Variants in TCF7L1 observed in about 807,000 individuals in gnomAD.
TCF7L1 encodes the protein transcription factor 7 like 1.
TCF7L1 carries 18 observed loss-of-function variants against 63.7 expected under a neutral mutation model. The ratio of observed to expected loss-of-function variants is 0.28; its 90% CI spans 0.20 to 0.42. The LOEUF (loss-of-function observed/expected upper bound fraction) is 0.42, where lower values mean the gene tolerates loss of function less well. Among genes scored for constraint, TCF7L1 ranks in the 10% least tolerant of loss-of-function variants. The pLI, the probability that TCF7L1 is intolerant of heterozygous loss-of-function variation, is 1.00. For synonymous variants in TCF7L1, 355 were observed against 340.9 expected, an observed-to-expected ratio of 1.04 and a Z score of -0.46; for missense variants, 654 against 779.3, an observed-to-expected ratio of 0.84 and a Z score of 1.91.
chr2:85,193,616 A>C (rs1029970666), intron 3 of TCF7L1, among the ~76,000 whole-genome samples: 3 of 152,232 alleles, frequency 2.0e-5, no homozygotes, highest in South Asian at 2.1e-4. Flanking sequence ...GTATTCTACC[A>C]GCGGTAGTTT....
At chr2:85,303,844 G>A (rs376780418) in intron 5 of TCF7L1, 51 bp from the exon 6 acceptor site, 4 of 1,400,798 alleles carry the variant, frequency 2.9e-6, no homozygotes, top group Non-Finnish European at 3.0e-6. Context: ...GTTCGTTAAG[G>A]TGCTCTGGCA....
chr2:85,165,849 T>A (rs1678404211), intron 3 of TCF7L1, among the ~76,000 whole-genome samples: 1 of 152,156 alleles, frequency 6.6e-6, no homozygotes, highest in African/African-American at 2.4e-5. Context: ...TAGCTGAAGT[T>A]CAATATCAAA....
At chr2:85,212,434 G>A (rs1679586316) in intron 3 of TCF7L1, among the ~76,000 whole-genome samples, 1 of 152,194 alleles carries the variant, frequency 6.6e-6, no homozygotes, top group Admixed American at 6.5e-5. Context: ...TATTATTGTG[G>A]CTGCTGTTAT....
At chr2:85,246,709 G>A (rs1680473116) in intron 3 of TCF7L1, among the ~76,000 whole-genome samples, 1 of 152,146 alleles carries the variant, frequency 6.6e-6, no homozygotes, top group Non-Finnish European at 1.5e-5. Flanking sequence ...TAACAGATGA[G>A]CCAAGTGCTC....
chr2:85,191,385 G>A (rs1166433869), intron 3 of TCF7L1, among the ~76,000 whole-genome samples: 1 of 152,212 alleles, frequency 6.6e-6, no homozygotes, highest in South Asian at 2.1e-4. Context: ...CACAGACCCT[G>A]ATCTGGTGCC....
intron 3 of TCF7L1, among the ~76,000 whole-genome samples, chr2:85,178,449 T>A (rs1305307393): frequency 6.6e-6 from 1 of 152,038 alleles, no homozygotes; most frequent in Non-Finnish European, 1.5e-5. Context: ...TTTACTGAAC[T>A]CCTCCTGTGC....
At chr2:85,301,602 C>T (rs975003448) in intron 4 of TCF7L1, among the ~76,000 whole-genome samples, 3 of 152,168 alleles carry the variant, frequency 2.0e-5, no homozygotes, top group Admixed American at 2.0e-4. Flanking sequence ...AATAATGGTG[C>T]TCCTTCCATT....
At chr2:85,256,604 C>T (rs546623119) in intron 3 of TCF7L1, among the ~76,000 whole-genome samples, 1 of 152,280 alleles carries the variant, frequency 6.6e-6, no homozygotes, top group African/African-American at 2.4e-5. Flanking sequence ...TGTTTTAATG[C>T]TTTACAAGGA....
At chr2:85,214,238 A>G (rs547384865) in intron 3 of TCF7L1, among the ~76,000 whole-genome samples, 18 of 152,198 alleles carry the variant, frequency 1.2e-4, no homozygotes, top group Non-Finnish European at 2.2e-4. Context: ...CAAGAGGGGT[A>G]AACACAGCTT....
chr2:85,189,511 G>A (rs1459771668), intron 3 of TCF7L1, among the ~76,000 whole-genome samples: 1 of 152,246 alleles, frequency 6.6e-6, no homozygotes, highest in Non-Finnish European at 1.5e-5. Flanking sequence ...AGCCCTCTAA[G>A]GCTTCTCCAT....
At chr2:85,258,719 A>G (rs2104343535) in intron 3 of TCF7L1, among the ~76,000 whole-genome samples, 1 of 152,134 alleles carries the variant, frequency 6.6e-6, no homozygotes, top group East Asian at 1.9e-4. Context: ...GCTTGCATCT[A>G]TGTTCTTGTC....
chr2:85,172,162 C>T (rs1388112905), intron 3 of TCF7L1, among the ~76,000 whole-genome samples: 1 of 152,138 alleles, frequency 6.6e-6, no homozygotes, highest in Non-Finnish European at 1.5e-5. Flanking sequence ...ACCTCACATC[C>T]CACTCAGCCA....
chr2:85,203,038 T>C (rs1394249147), intron 3 of TCF7L1, among the ~76,000 whole-genome samples: 3 of 152,134 alleles, frequency 2.0e-5, no homozygotes, highest in Non-Finnish European at 1.5e-5. Context: ...GGTTTCACCA[T>C]GTTAGCCAGG....
At position 85,133,620 on chromosome 2, in the gene TCF7L1, C is replaced by T. The variant is rs897197798; in HGVS notation, c.-65C>T. The stretch of plus-strand genomic sequence containing the variant: ...CAAGCGGGCGGGAGGGGCGCCGGGC[C>T]GGGCCGGGCAGGGCGCGGGCGGCTA... On this transcript the variant is annotated 5_prime_UTR_variant, in exon 1 of 12. Coordinates refer to ENST00000282111, the MANE Select transcript of TCF7L1 (RefSeq NM_031283.3). The surrounding 1 kb of genome is among the most constrained non-coding windows in gnomAD (Gnocchi z 4.4). 2.2e-5 allele frequency: 14 copies of T among 640,420 alleles called. No individual in the cohort carries two copies. The highest frequency in any genetic ancestry group is 1.4e-4 in the East Asian group (1 of 7,170). The allele number at this position is 640,420 out of a possible 1,614,324, so 39.7% of individuals were successfully genotyped here.
chr2:85,306,610 G>A lies in TCF7L1; in HGVS notation c.1257+51G>A. 1 of 1,443,004 alleles carries A rather than the reference G, an allele frequency of 6.9e-7. No individual in the cohort carries two copies. The allele number at this position is 1,443,004 out of a possible 1,614,324, so 89.4% of individuals were successfully genotyped here. A position where few individuals can be genotyped will look rare whatever the true frequency, so the allele number is the denominator to read the frequency against. ...CGCTCAGACCCCAGGAACAGCCTCT[G>A]CAAGAGGAGGAAGGGTGAAGGAAAG... is the stretch of plus-strand genomic sequence containing the variant. On this transcript the variant is annotated intron_variant, in intron 10 of 11. Transcript: ENST00000282111. The surrounding 1 kb of genome is among the most constrained non-coding windows in gnomAD (Gnocchi z 4.3).
At chr2:85,210,157 C>T (rs758034287) in intron 3 of TCF7L1, among the ~76,000 whole-genome samples, 3 of 152,212 alleles carry the variant, frequency 2.0e-5, no homozygotes, top group Non-Finnish European at 4.4e-5. Flanking sequence ...CACTCCCAGC[C>T]ATGTTACCAT....
At position 85,133,705 on chromosome 2, in the gene TCF7L1, GGGCGGCGGC is replaced by G. The variant is rs566806913; in HGVS notation, c.34_42del (p.Gly12_Gly14del). On this transcript the variant is annotated inframe_deletion, in exon 1 of 12. Transcript: ENST00000282111. The surrounding 1 kb of genome is among the most constrained non-coding windows in gnomAD (Gnocchi z 4.4). Reference sequence around the variant, plus strand: ...CCACCATGCCCCAGCTCGGCGGCGGGGGCGGCGGCGGCGGCGGCGGCAGCGGGGGAGGCG... The same window carrying G: ...CCACCATGCCCCAGCTCGGCGGCGGGGGCGGCGGCGGCAGCGGGGGAGGCG... 1.6e-5 allele frequency: 17 copies of G among 1,076,746 alleles called. No individual in the cohort carries two copies. Among genetic ancestry groups the G allele is most frequent in the Admixed American group, 1.1e-4 (2 of 18,572 alleles). 66.7% of individuals were successfully genotyped at this position (1,076,746 alleles called of 1,614,324 possible). A position where few individuals can be genotyped will look rare whatever the true frequency, so the allele number is the denominator to read the frequency against.
In TCF7L1 at chr2:85,306,405, T is replaced by A. The variant is rs753470391; in HGVS notation, c.1149+40T>A. 23 of 1,613,400 alleles carry A rather than the reference T, an allele frequency of 1.4e-5. No homozygotes were observed. The South Asian group carries it at 2.4e-4, about 17-fold the overall frequency. On this transcript the variant is annotated intron_variant, in intron 9 of 11. Coordinates refer to ENST00000282111, the MANE Select transcript of TCF7L1 (RefSeq NM_031283.3). This position sits in a 1 kb window ranked among gnomAD's most constrained non-coding sequence, Gnocchi z 4.3. ...CTCCCTCCAGGCCAGGGAGGCAGCG[T>A]CCCTGCATTGATGGCTCCGTGTGGT... is the stretch of plus-strand genomic sequence containing the variant.
chr2:85,282,869 T>A (rs149151481), intron 3 of TCF7L1, among the ~76,000 whole-genome samples: 10 of 148,594 alleles, frequency 6.7e-5, no homozygotes, highest in Non-Finnish European at 1.0e-4. Context: ...TGGTTTGGGT[T>A]TTTTGCACTG....
Sources: gnomAD v4.1 joint callset for allele counts (sites outside exome capture counted in the v4.1 genomes callset) on GRCh38, gnomAD v4.1.1 for gene constraint, Gnocchi (gnomAD v3.1) non-coding constraint, MANE v1.5 for transcripts, NCBI Gene and HGNC (gene_info 2026-07-23, HGNC 2026-07-21) for gene names.